MALRD1: variants seen among roughly 807,000 people sequenced by gnomAD.
The protein encoded by MALRD1 is MAM and LDL-receptor class A domain-containing protein 1.
MALRD1 carries 247 observed loss-of-function variants against 242.1 expected under a neutral mutation model. The observed-to-expected ratio is 1.02, with a 90% CI of 0.92 to 1.13. The LOEUF is 1.13. Among genes scored for constraint, MALRD1 ranks in the 50% most tolerant of loss-of-function variants. The pLI is 0.00. For synonymous variants in MALRD1, 995 were observed against 866.6 expected, an observed-to-expected ratio of 1.15 and a Z score of -2.60; for missense variants, 2,989 against 2,533.1, an observed-to-expected ratio of 1.18 and a Z score of -3.86.
chr10:19,611,864 C>G (rs565928084), intron 35 of MALRD1, among the ~76,000 whole-genome samples: 1 of 152,112 alleles, frequency 6.6e-6, no homozygotes, highest in African/African-American at 2.4e-5. Flanking sequence ...GTTTTCTGCC[C>G]TGCTAAACAA....
intron 29 of MALRD1, among the ~76,000 whole-genome samples, chr10:19,454,432 A>ATATATATATATATATATATATAT (rs1835522301): frequency 7.6e-6 from 1 of 130,994 alleles, no homozygotes; most frequent in Non-Finnish European, 1.6e-5. Flanking sequence ...ATATATATAT[A>ATATATATATATATATATATATAT]ATTATATGAT....
intron 34 of MALRD1, among the ~76,000 whole-genome samples, chr10:19,597,289 C>G (rs1220142650): frequency 2.0e-5 from 3 of 152,252 alleles, no homozygotes; most frequent in East Asian, 1.9e-4. Context: ...TCAATATAGC[C>G]ATATGATATT....
chr10:19,684,592 C>A (rs972925021), intron 36 of MALRD1, among the ~76,000 whole-genome samples: 1 of 152,016 alleles, frequency 6.6e-6, no homozygotes, highest in Non-Finnish European at 1.5e-5. Context: ...CCCGTCTCTA[C>A]TAAAAATACA....
chr10:19,316,422 C>A (rs923600113), intron 21 of MALRD1, among the ~76,000 whole-genome samples: 2 of 151,846 alleles, frequency 1.3e-5, no homozygotes, highest in Admixed American at 1.3e-4. Context: ...AGAGCTGTTT[C>A]CAAACTCTGG....
chr10:19,580,028 G>C (rs911912695), intron 33 of MALRD1, among the ~76,000 whole-genome samples: 6 of 152,154 alleles, frequency 3.9e-5, no homozygotes, highest in African/African-American at 1.4e-4. Context: ...TGATATGTCA[G>C]ACTGGGAACT....
chr10:19,121,716 G>T (rs1385602601), intron 5 of MALRD1, among the ~76,000 whole-genome samples: 3 of 152,120 alleles, frequency 2.0e-5, no homozygotes, highest in Non-Finnish European at 4.4e-5. Flanking sequence ...GGCATGGAGA[G>T]TTGACCCGCT....
intron 32 of MALRD1, among the ~76,000 whole-genome samples, chr10:19,543,466 G>C (rs910440838): frequency 8.7e-6 from 1 of 114,462 alleles, no homozygotes; most frequent in Non-Finnish European, 1.9e-5. Flanking sequence ...GAGAAATGGG[G>C]TCTCACTGTG....
At chr10:19,594,082 G>T (rs1470374337) in intron 33 of MALRD1, among the ~76,000 whole-genome samples, 1 of 152,144 alleles carries the variant, frequency 6.6e-6, no homozygotes, top group Admixed American at 6.5e-5. Flanking sequence ...GCCACTAAGA[G>T]ACAGTAAATA....
intron 29 of MALRD1, among the ~76,000 whole-genome samples, chr10:19,482,029 G>A (rs1440164732): frequency 6.6e-6 from 1 of 151,770 alleles, no homozygotes; most frequent in Admixed American, 6.6e-5. Context: ...TAAATGGAAG[G>A]TTCTAAATTG....
In MALRD1 at chr10:19,136,768, C is replaced by T. The variant is rs551491262; in HGVS notation, c.1398C>T (p.Asp466=). The T allele has an allele frequency of 9.3e-5, 114 of 1,231,622 alleles. No individual in the cohort carries two copies. The African/African-American group carries it at 1.6e-3, about 17-fold the overall frequency. The allele number at this position is 1,231,622 out of a possible 1,614,324, so 76.3% of individuals were successfully genotyped here. A position where few individuals can be genotyped will look rare whatever the true frequency, so the allele number is the denominator to read the frequency against. Residue 466 remains aspartate, a synonymous_variant, in exon 10 of 40, where the codon GAC becomes GAT. Transcript: ENST00000454679. ...RQDCSDESDE[D]PATCSKHLTC... ...ACTGCTCCGATGAGAGTGATGAAGA[C>T]CCAGCAACTTGCTGTAAGTGAGTGA...
At chr10:19,186,152 G>C (rs1835728214) in intron 14 of MALRD1, among the ~76,000 whole-genome samples, 1 of 152,086 alleles carries the variant, frequency 6.6e-6, no homozygotes, top group Non-Finnish European at 1.5e-5. Context: ...TGGTAAATAA[G>C]TCTCTGTAGG....
intron 29 of MALRD1, among the ~76,000 whole-genome samples, chr10:19,467,300 A>G (rs1029258463): frequency 1.4e-5 from 2 of 145,104 alleles, no homozygotes; most frequent in South Asian, 4.8e-4. Context: ...GCTTGCAGTG[A>G]GCCGAGATCG....
intron 29 of MALRD1, among the ~76,000 whole-genome samples, chr10:19,462,018 T>C (rs1311670825): frequency 6.6e-6 from 1 of 152,138 alleles, no homozygotes; most frequent in Non-Finnish European, 1.5e-5. Context: ...AGACTAGTTA[T>C]TGTAGAGAGA....
At chr10:19,411,282 G>T (rs1833266638) in intron 28 of MALRD1, among the ~76,000 whole-genome samples, 1 of 152,160 alleles carries the variant, frequency 6.6e-6, no homozygotes, top group African/African-American at 2.4e-5. Flanking sequence ...AAATAGTTGG[G>T]TTTGTGAATA....
At chr10:19,148,509 G>A (rs956899797) in intron 11 of MALRD1, among the ~76,000 whole-genome samples, 1 of 151,876 alleles carries the variant, frequency 6.6e-6, no homozygotes, top group Non-Finnish European at 1.5e-5. Context: ...AGAAGACTAG[G>A]AAAAACACCA....
At chr10:19,278,589 G>C (rs1478143622) in intron 19 of MALRD1, among the ~76,000 whole-genome samples, 2 of 152,004 alleles carry the variant, frequency 1.3e-5, no homozygotes, top group Non-Finnish European at 2.9e-5. Flanking sequence ...TGGATGCAGG[G>C]ATGAAAGATG....
intron 14 of MALRD1, among the ~76,000 whole-genome samples, chr10:19,181,040 T>G (rs1322025374): frequency 6.8e-6 from 1 of 147,064 alleles, no homozygotes; most frequent in Non-Finnish European, 1.5e-5. Context: ...TCAATTAGGA[T>G]AGCTATAATT....
intron 34 of MALRD1, among the ~76,000 whole-genome samples, chr10:19,596,510 C>T (rs1050727799): frequency 1.3e-5 from 2 of 151,928 alleles, no homozygotes; most frequent in Non-Finnish European, 2.9e-5. Flanking sequence ...TCGGAGGATC[C>T]CTTGGGCCCA....
chr10:19,681,415 G>A (rs770858858), intron 36 of MALRD1, among the ~76,000 whole-genome samples: 1 of 151,638 alleles, frequency 6.6e-6, no homozygotes, highest in South Asian at 2.1e-4. Flanking sequence ...TAGTCTTTAC[G>A]CTCTGAAATT....
Sources: allele counts gnomAD v4.1 joint callset (sites outside exome capture counted in the v4.1 genomes callset), GRCh38; gene constraint gnomAD v4.1.1; transcripts MANE v1.5; gene names NCBI Gene and HGNC (gene_info 2026-07-23, HGNC 2026-07-21).